The following AFF1 variants were observed in gnomAD, a reference collection of about 807,000 sequenced individuals.
AFF1 encodes the protein AF4/FMR2 family member 1.
Under a neutral mutation model 121.7 loss-of-function variants are expected in AFF1, and 48 were observed. That is an observed-to-expected ratio of 0.39 (90% CI 0.31 to 0.50). AFF1 has a LOEUF of 0.50. Ranked by LOEUF, AFF1 falls within the 20% of genes least tolerant of loss-of-function variation. The probability of loss-of-function intolerance (pLI) is 0.76; values close to 1 mark genes in which losing one functional copy is unlikely to be tolerated. For missense variants in AFF1, 1,523 were observed against 1,511.7 expected (o/e 1.01, Z -0.12); for synonymous variants, 613 against 563.0 (o/e 1.09, Z -1.26).
At chr4:87,102,369 A>G (rs80173537) in intron 8 of AFF1, among the ~76,000 whole-genome samples, 3,005 of 150,652 alleles carry the variant, frequency 0.02, 109 homozygotes, top group African/African-American at 0.069. Context: ...ATAGGAAAGT[A>G]GTTTTATTTT....
intron 2 of AFF1, among the ~76,000 whole-genome samples, chr4:86,962,652 A>G (rs1024563038): frequency 2.6e-5 from 4 of 152,166 alleles, no homozygotes; most frequent in African/African-American, 9.7e-5. Flanking sequence ...GTCTGGGACC[A>G]GCGCCTGGCA....
At chr4:87,111,942 G>T (rs879294225) in intron 11 of AFF1, among the ~76,000 whole-genome samples, 2 of 152,002 alleles carry the variant, frequency 1.3e-5, no homozygotes, top group Non-Finnish European at 2.9e-5. Context: ...TTTGAGGGTT[G>T]GGGGGGAAAC....
At chr4:87,087,260 A>G (rs1723832858) in intron 5 of AFF1, among the ~76,000 whole-genome samples, 1 of 152,264 alleles carries the variant, frequency 6.6e-6, no homozygotes, top group South Asian at 2.1e-4. Flanking sequence ...GTTGTAGTGA[A>G]TAAGACAGAG....
chr4:87,061,697 G>C (rs1720804327), intron 4 of AFF1, among the ~76,000 whole-genome samples: 1 of 152,148 alleles, frequency 6.6e-6, no homozygotes, highest in Admixed American at 6.5e-5. Flanking sequence ...TCACCTGCTT[G>C]ATCCCTGTAA....
At chr4:87,007,116 G>A (rs1726211575) in intron 2 of AFF1, 1 of 1,265,898 alleles carries the variant, frequency 7.9e-7, no homozygotes, top group Non-Finnish European at 9.9e-7. Context: ...GGGGGCGCTC[G>A]CTTGCCCCGG....
chr4:87,111,252 C>T (rs1400831103), intron 11 of AFF1, among the ~76,000 whole-genome samples: 9 of 29,238 alleles, frequency 3.1e-4, no homozygotes, highest in African/African-American at 7.6e-4. Flanking sequence ...CTCCTGACCT[C>T]GTGATCCGCC....
intron 8 of AFF1, among the ~76,000 whole-genome samples, chr4:87,105,243 C>A (rs943481322): frequency 6.6e-6 from 1 of 152,172 alleles, no homozygotes. Flanking sequence ...TTATGTATCC[C>A]TCCCCATTTG....
At chr4:86,950,639 C>T (rs1319941123) in intron 2 of AFF1, among the ~76,000 whole-genome samples, 1 of 152,108 alleles carries the variant, frequency 6.6e-6, no homozygotes, top group African/African-American at 2.4e-5. Flanking sequence ...CCTACTTCTC[C>T]CCCTTTCTGG....
At position 87,134,934 on chromosome 4, in the gene AFF1, C is replaced by T. The variant is rs538593399; in HGVS notation, c.3535+240C>T. 2.2e-3 allele frequency among the ~76,000 whole-genome samples: 328 copies of T among 152,272 alleles called. 5 individuals are homozygous for T. Among genetic ancestry groups the T allele is most frequent in the African/African-American group, 6.6e-3 (275 of 41,550 alleles). ...AAAACCAAAATACAAGTGGCTTTAG[C>T]GCCTTGCCCCTTCTGAAGCTCTGCT... On this transcript the variant is annotated intron_variant, in intron 20 of 20. Coordinates refer to ENST00000395146, the MANE Select transcript of AFF1 (RefSeq NM_001166693.3).
chr4:87,019,394 TTGTA>T (rs1382043778), intron 2 of AFF1, among the ~76,000 whole-genome samples: 2 of 152,172 alleles, frequency 1.3e-5, no homozygotes, highest in African/African-American at 4.8e-5. Context: ...TCTAATCTAA[TTGTA>T]AGTCTAAAGA....
At chr4:87,131,053 C>T (rs1728780188) in intron 16 of AFF1, 30 bp from the exon 17 acceptor site, 1 of 1,611,450 alleles carries the variant, frequency 6.2e-7, no homozygotes, top group South Asian at 1.1e-5. Flanking sequence ...TTGTCTTCAG[C>T]CTAACAATGA....
At chr4:87,094,514 G>C (rs1724632572) in intron 7 of AFF1, among the ~76,000 whole-genome samples, 1 of 152,156 alleles carries the variant, frequency 6.6e-6, no homozygotes, top group South Asian at 2.1e-4. Flanking sequence ...AGAGCACCTA[G>C]GACAGAGCTG....
intron 8 of AFF1, among the ~76,000 whole-genome samples, chr4:87,099,433 A>T (rs1725194712): frequency 1.3e-5 from 2 of 152,098 alleles, no homozygotes; most frequent in South Asian, 4.1e-4. Flanking sequence ...TTTTTGAGAC[A>T]GGGTCTCATT....
At chr4:87,097,737 G>A (rs557472838) in intron 8 of AFF1, among the ~76,000 whole-genome samples, 41 of 152,222 alleles carry the variant, frequency 2.7e-4, no homozygotes, top group Admixed American at 2.0e-3. Flanking sequence ...GGGGGTAGAC[G>A]TGGTGGTATT....
chr4:87,115,625 T>TTTTC lies in AFF1; in HGVS notation c.2466+326_2466+327insTTTC, dbSNP rs397994396. ...AACCCACCTCTTTTTTTTTTTTTTTTCCAAAGACAGGCCCTTGCTCTGTTG... is the reference window on the plus strand; with the variant it reads ...AACCCACCTCTTTTTTTTTTTTTTTTTTTCCCAAAGACAGGCCCTTGCTCTGTTG... On this transcript the variant is annotated intron_variant, in intron 12 of 20. Transcript: ENST00000395146. Among the ~76,000 whole-genome samples the TTTTC allele has an allele frequency of 3.3e-3, 344 of 103,030 alleles. 26 individuals are homozygous for TTTTC. The highest frequency in any genetic ancestry group is 5.8e-3 in the East Asian group (16 of 2,760). 67.6% of individuals were successfully genotyped at this position (103,030 alleles called of 152,430 possible).
At chr4:87,096,257 G>C (rs1262418591) in intron 8 of AFF1, among the ~76,000 whole-genome samples, 1 of 147,716 alleles carries the variant, frequency 6.8e-6, no homozygotes, top group Non-Finnish European at 1.5e-5. Flanking sequence ...TGTTTTTAAT[G>C]CCTTTTGCTG....
At chr4:87,079,760 C>T (rs947451234) in intron 4 of AFF1, among the ~76,000 whole-genome samples, 1 of 152,114 alleles carries the variant, frequency 6.6e-6, no homozygotes, top group African/African-American at 2.4e-5. Context: ...ATCGTGGACT[C>T]CAAAAGCATG....
chr4:87,051,939 G>C (rs1410560429), intron 4 of AFF1, among the ~76,000 whole-genome samples: 1 of 152,194 alleles, frequency 6.6e-6, no homozygotes, highest in Non-Finnish European at 1.5e-5. Flanking sequence ...AGTGCCGCAA[G>C]AAGTAAAGAG....
chr4:87,084,601 T>TTAAA (rs1560609300), intron 5 of AFF1, among the ~76,000 whole-genome samples: 2 of 112,176 alleles, frequency 1.8e-5, no homozygotes, highest in African/African-American at 6.3e-5. Flanking sequence ...AATAAATAAA[T>TTAAA]AAAAAATAAA....
Sources: allele counts gnomAD v4.1 joint callset (sites outside exome capture counted in the v4.1 genomes callset), GRCh38; gene constraint gnomAD v4.1.1; transcripts MANE v1.5; gene names NCBI Gene and HGNC (gene_info 2026-07-23, HGNC 2026-07-21).